ITSN1: variants seen among roughly 807,000 people sequenced by gnomAD.
ITSN1 encodes the protein intersectin-1.
Under a neutral mutation model 239.8 loss-of-function variants are expected in ITSN1, and 58 were observed. That is an observed-to-expected ratio of 0.24 (90% CI 0.20 to 0.30). The LOEUF is 0.30. ITSN1 is among the 10% of genes least tolerant of loss of function. ITSN1 has a pLI of 1.00. For missense variants in ITSN1, 1,558 were observed against 2,103.3 expected, an observed-to-expected ratio of 0.74 and a Z score of 5.07; for synonymous variants, 780 against 770.8, an observed-to-expected ratio of 1.01 and a Z score of -0.20.
At chr21:33,774,580 A>G in intron 12 of ITSN1, 149 bp from the exon 13 acceptor site, 2 of 654,194 alleles carry the variant, frequency 3.1e-6, no homozygotes, top group South Asian at 4.5e-5. Context: ...CTGTATTTTT[A>G]TGTAATTTTT....
At chr21:33,874,536 G>A (rs144026501) in intron 33 of ITSN1, among the ~76,000 whole-genome samples, 226 of 152,312 alleles carry the variant, frequency 1.5e-3, no homozygotes, top group African/African-American at 5.1e-3. Context: ...TGTTCCCCAA[G>A]TGAGTGAACA....
In ITSN1 at chr21:33,735,641, G is replaced by T. The variant is rs187479348; in HGVS notation, c.346+437G>T. 232 of 175,674 alleles carry T rather than the reference G, an allele frequency of 1.3e-3. 1 individual carries two copies. Among genetic ancestry groups the T allele is most frequent in the African/African-American group, 5.1e-3 (214 of 41,604 alleles). The allele number at this position is 175,674 out of a possible 1,614,324, so 10.9% of individuals were successfully genotyped here. A position where few individuals can be genotyped will look rare whatever the true frequency, so the allele number is the denominator to read the frequency against. ...TTTGAATCACAGTACTGAGTCACTT[G>T]GCCACATTAAATTCTTTCTTAGAAC... On this transcript the variant is annotated intron_variant, in intron 5 of 39. Coordinates refer to ENST00000381318, the MANE Select transcript of ITSN1 (RefSeq NM_003024.3).
intron 1 of ITSN1, among the ~76,000 whole-genome samples, chr21:33,652,765 A>G (rs920636905): frequency 3.9e-5 from 6 of 152,096 alleles, no homozygotes; most frequent in Non-Finnish European, 8.8e-5. Flanking sequence ...TTAAATGCCT[A>G]TTGGCCTTAC....
intron 5 of ITSN1, among the ~76,000 whole-genome samples, chr21:33,735,875 G>A (rs563694452): frequency 2.0e-5 from 3 of 152,002 alleles, no homozygotes; most frequent in South Asian, 2.1e-4. Flanking sequence ...GTGGTGGTGC[G>A]CACCTGTAAT....
intron 29 of ITSN1, among the ~76,000 whole-genome samples, chr21:33,842,184 C>T (rs370528443): frequency 3.3e-4 from 50 of 152,056 alleles, no homozygotes; most frequent in African/African-American, 1.2e-3. Flanking sequence ...CGTGAGCCAC[C>T]GCGCCCGGCC....
At chr21:33,768,558 G>A (rs747609409) in intron 11 of ITSN1, among the ~76,000 whole-genome samples, 2 of 152,144 alleles carry the variant, frequency 1.3e-5, no homozygotes, top group Non-Finnish European at 2.9e-5. Flanking sequence ...TGGGATTATA[G>A]GCGTGAGTCA....
Position 33,811,124 on chromosome 21 carries a change from T to G in ITSN1, c.2469T>G (p.Pro823=). 1 of 1,613,860 alleles carries G rather than the reference T, an allele frequency of 6.2e-7. No homozygotes were observed. The highest frequency in any genetic ancestry group is 8.5e-7 in the Non-Finnish European group (1 of 1,179,952). The stretch of plus-strand genomic sequence containing the variant: ...CAGTGACTGATTCAACATCTGCCCC[T>G]GCCCCCAAACTGGCCTTGCGTGAGA... The part of the protein sequence containing the change: ...VKPVTDSTSA[P]APKLALRETP... Residue 823 remains proline, a synonymous_variant, in exon 21 of 40, where the codon CCT becomes CCG. Transcript: ENST00000381318.
At chr21:33,697,594 A>G (rs1396611502) in intron 1 of ITSN1, among the ~76,000 whole-genome samples, 1 of 152,160 alleles carries the variant, frequency 6.6e-6, no homozygotes, top group Non-Finnish European at 1.5e-5. Flanking sequence ...ATACAATCTC[A>G]TTATTAATTT....
intron 33 of ITSN1, among the ~76,000 whole-genome samples, chr21:33,870,556 G>C (rs1982539431): frequency 6.6e-6 from 1 of 152,180 alleles, no homozygotes; most frequent in African/African-American, 2.4e-5. Context: ...TACTGATGTG[G>C]AGAAATTCTT....
chr21:33,679,336 A>G (rs567217121), intron 1 of ITSN1, among the ~76,000 whole-genome samples: 2 of 152,206 alleles, frequency 1.3e-5, no homozygotes, highest in Non-Finnish European at 2.9e-5. Context: ...TCTTCACTGC[A>G]TGGGTACTCT....
chr21:33,722,541 G>GT (rs764858527), intron 3 of ITSN1, 47 bp from the exon 4 acceptor site: 493 of 1,459,040 alleles, frequency 3.4e-4, no homozygotes, highest in African/African-American at 1.4e-3. Context: ...TCTGTCAGCT[G>GT]TTGTTTTTTT....
At chr21:33,725,295 C>A (rs1417412133) in intron 4 of ITSN1, among the ~76,000 whole-genome samples, 1 of 151,740 alleles carries the variant, frequency 6.6e-6, no homozygotes, top group Non-Finnish European at 1.5e-5. Flanking sequence ...ACCACCACGC[C>A]TGGCTGATTT....
At chr21:33,688,690 A>G (rs1265055519) in intron 1 of ITSN1, among the ~76,000 whole-genome samples, 1 of 152,230 alleles carries the variant, frequency 6.6e-6, no homozygotes, top group East Asian at 1.9e-4. Context: ...CTGGGGTCCA[A>G]ATAGGACCCA....
chr21:33,807,913 C>T (rs989987711), intron 20 of ITSN1, among the ~76,000 whole-genome samples: 2 of 152,030 alleles, frequency 1.3e-5, no homozygotes, highest in African/African-American at 4.8e-5. Flanking sequence ...TGGCCGGGCG[C>T]GGTGGCTCAC....
intron 1 of ITSN1, among the ~76,000 whole-genome samples, chr21:33,671,950 G>A (rs114349724): frequency 0.042 from 6,373 of 152,100 alleles, 454 homozygotes; most frequent in African/African-American, 0.15. Flanking sequence ...TTTAAAAAGA[G>A]TCGATGTCTT....
chr21:33,817,530 G>T, intron 22 of ITSN1: 1 of 1,304,506 alleles, frequency 7.7e-7, no homozygotes, highest in Non-Finnish European at 1.0e-6. Flanking sequence ...ATTTCATTCT[G>T]CCAGGTGGTA....
intron 1 of ITSN1, among the ~76,000 whole-genome samples, chr21:33,686,381 A>G (rs1568935739): frequency 6.6e-6 from 1 of 151,516 alleles, no homozygotes; most frequent in Non-Finnish European, 1.5e-5. Context: ...TTCCTGGTAT[A>G]TTTTTCTGAT....
At chr21:33,796,878 A>G (rs538989346) in intron 17 of ITSN1, among the ~76,000 whole-genome samples, 6 of 152,378 alleles carry the variant, frequency 3.9e-5, no homozygotes, top group African/African-American at 1.4e-4. Context: ...TTCAAGGCCT[A>G]GATTTAATTA....
intron 1 of ITSN1, among the ~76,000 whole-genome samples, chr21:33,645,525 T>C (rs2087857992): frequency 6.6e-6 from 1 of 152,130 alleles, no homozygotes; most frequent in African/African-American, 2.4e-5. Context: ...GTGCCTATAT[T>C]CCCAGCTTTT....
Sources: allele counts gnomAD v4.1 joint callset (sites outside exome capture counted in the v4.1 genomes callset), GRCh38; gene constraint gnomAD v4.1.1; transcripts MANE v1.5; gene names NCBI Gene and HGNC (gene_info 2026-07-23, HGNC 2026-07-21).